Variants in ATE1 observed in about 807,000 individuals in gnomAD.
ATE1 encodes the protein arginyltransferase 1.
ATE1 carries 36 observed loss-of-function variants against 70.5 expected under a neutral mutation model. That is an observed-to-expected ratio of 0.51 (90% CI 0.39 to 0.67). The LOEUF is 0.67. Among genes scored for constraint, ATE1 ranks in the 30% least tolerant of loss-of-function variants. The pLI is 0.00. For missense variants in ATE1, 593 were observed against 629.5 expected (o/e 0.94, Z 0.62); for synonymous variants, 232 against 219.3 (o/e 1.06, Z -0.51).
Position 121,743,754 on chromosome 10 carries a change from C to T in ATE1, c.1483G>A (p.Glu495Lys). 1.9e-6 allele frequency: 3 copies of T among 1,614,132 alleles called. No homozygotes were observed. The highest frequency in any genetic ancestry group is 2.5e-6 in the Non-Finnish European group (3 of 1,180,022). ...CTGGCGTACTGCAGAACAGCAGCCT[C>T]CTCACTTGGGTCTTTCTGCTGTTTC... is the stretch of plus-strand genomic sequence containing the variant. ...YKKQQKDPSE[E>K]AAVLQYASLV... Residue 495 changes from glutamate to lysine, a missense_variant, in exon 12 of 12, where the codon GAG (glutamate) becomes AAG (lysine). By Grantham distance (56) the Glu-to-Lys change is moderately conservative. Transcript: ENST00000224652.
intron 7 of ATE1, among the ~76,000 whole-genome samples, chr10:121,878,900 A>T (rs1160147056): frequency 6.6e-6 from 1 of 152,162 alleles, no homozygotes; most frequent in African/African-American, 2.4e-5. Flanking sequence ...GTTTCCCTTC[A>T]TTATACCAAG....
At chr10:121,776,592 G>A (rs115983274) in intron 11 of ATE1, among the ~76,000 whole-genome samples, 3,208 of 152,276 alleles carry the variant, frequency 0.021, 111 homozygotes, top group African/African-American at 0.072. Context: ...GTGGTCTTGG[G>A]CATGAAATTC....
chr10:121,853,161 G>A (rs981788230), intron 8 of ATE1, among the ~76,000 whole-genome samples: 15 of 152,148 alleles, frequency 9.9e-5, no homozygotes, highest in East Asian at 1.9e-4. Context: ...TCAGGAGGTC[G>A]AGACCATCCT....
intron 9 of ATE1, 28 bp from the exon 10 acceptor site, chr10:121,836,845 A>T (rs1239466502): frequency 7.0e-7 from 1 of 1,421,502 alleles, no homozygotes; most frequent in African/African-American, 1.4e-5. Flanking sequence ...AGAAAGCTGA[A>T]GGCAGTTAAT....
chr10:121,911,058 CTGAG>C lies in ATE1; in HGVS notation c.427_430del (p.Leu143ValfsTer8), dbSNP rs771107676. ...CTCTAAACTCTCTTTGATGTCATCACTGAGTGTTTTAAGATCACACTGTATATCC... is the reference window on the plus strand; with the variant it reads ...CTCTAAACTCTCTTTGATGTCATCACTGTTTTAAGATCACACTGTATATCC... On this transcript the variant is annotated frameshift_variant, in exon 5 of 12. Coordinates refer to ENST00000224652, the MANE Select transcript of ATE1 (RefSeq NM_001001976.3). LOFTEE classifies it high-confidence loss of function. The C allele has an allele frequency of 5.6e-6, 9 of 1,613,380 alleles. No homozygotes were observed. Among genetic ancestry groups the C allele is most frequent in the Non-Finnish European group, 7.6e-6 (9 of 1,179,928 alleles).
chr10:121,926,354 T>C (rs1952088958), intron 1 of ATE1, among the ~76,000 whole-genome samples: 1 of 152,136 alleles, frequency 6.6e-6, no homozygotes, highest in Non-Finnish European at 1.5e-5. Context: ...TGGCAGGCAC[T>C]CACTCACACT....
intron 10 of ATE1, among the ~76,000 whole-genome samples, chr10:121,819,019 A>C (rs1392197159): frequency 6.6e-6 from 1 of 152,256 alleles, no homozygotes; most frequent in Non-Finnish European, 1.5e-5. Context: ...GTAATTACTC[A>C]AACCAGCATT....
At chr10:121,771,362 C>A (rs1329085253) in intron 11 of ATE1, among the ~76,000 whole-genome samples, 2 of 152,320 alleles carry the variant, frequency 1.3e-5, no homozygotes, top group East Asian at 3.9e-4. Context: ...AGCCACCGTG[C>A]CCGGCCTCTC....
chr10:121,899,970 G>C lies in ATE1; in HGVS notation c.838C>G (p.Pro280Ala). 1.2e-6 allele frequency: 2 copies of C among 1,613,806 alleles called. No homozygotes were observed. The highest frequency in any genetic ancestry group is 2.2e-5 in the South Asian group (2 of 91,058). Reference protein sequence around the residue: ...LEVRVVRSSPPSSQFKATLLE... With the variant: ...LEVRVVRSSPASSQFKATLLE... ...AGTGTGGCTTTGAACTGCGAACTTGGTGGAGATGATCTCACCACCCTCACC... is the reference window on the plus strand; with the variant it reads ...AGTGTGGCTTTGAACTGCGAACTTGCTGGAGATGATCTCACCACCCTCACC... Residue 280 changes from proline (P) to alanine (A), a missense_variant, in exon 7 of 12, where the codon CCA becomes GCA. Pro to Ala is a conservative substitution (Grantham distance 27, BLOSUM62 -1). This residue lies in a region of ATE1 where 467 missense variants were observed against 469.6 expected (regional missense o/e 0.99). Transcript: ENST00000224652.
chr10:121,829,525 T>C (rs1001254257), intron 10 of ATE1, among the ~76,000 whole-genome samples: 4 of 151,800 alleles, frequency 2.6e-5, no homozygotes, highest in Admixed American at 1.3e-4. Context: ...CTGGCCAAGA[T>C]GGTGAAACCC....
At chr10:121,866,234 C>T (rs943287269) in intron 8 of ATE1, among the ~76,000 whole-genome samples, 2 of 152,170 alleles carry the variant, frequency 1.3e-5, no homozygotes, top group African/African-American at 4.8e-5. Flanking sequence ...CTGCCACTAA[C>T]TTAAGTCCTC....
intron 8 of ATE1, among the ~76,000 whole-genome samples, chr10:121,852,629 T>G (rs762927745): frequency 6.6e-6 from 1 of 151,886 alleles, no homozygotes; most frequent in African/African-American, 2.4e-5. Context: ...GAAAATCACT[T>G]GAACCCGGGA....
chr10:121,900,185 T>G (rs1590670726), intron 6 of ATE1, among the ~76,000 whole-genome samples, 191 bp from the exon 7 acceptor site: 1 of 152,306 alleles, frequency 6.6e-6, no homozygotes, highest in East Asian at 1.9e-4. Context: ...TACAGACTCA[T>G]TAAGAAGAGG....
intron 7 of ATE1, among the ~76,000 whole-genome samples, chr10:121,893,508 A>G (rs893134158): frequency 4.6e-5 from 7 of 152,170 alleles, no homozygotes; most frequent in African/African-American, 1.7e-4. Context: ...CCTTTTCTCA[A>G]CTTTATAAAA....
At chr10:121,928,173 G>C (rs1448694663), upstream of ATE1, 8 of 1,295,032 alleles carry the variant, frequency 6.2e-6, no homozygotes, top group Non-Finnish European at 6.9e-6. Flanking sequence ...CTCCATAAGG[G>C]GCCGCCGTCG....
Position 121,885,063 on chromosome 10 carries a change from C to A in ATE1, c.942+14803G>T, listed in dbSNP as rs190414516. ...ATCACCTGAGATCCAGAGTTTAAGA[C>A]CAGCCTGGCCAACATGGTGAAATCC... On this transcript the variant is annotated intron_variant, in intron 7 of 11. Coordinates refer to ENST00000224652, the MANE Select transcript of ATE1 (RefSeq NM_001001976.3). Among the ~76,000 whole-genome samples the A allele has an allele frequency of 1.5e-4, 23 of 151,078 alleles. No homozygotes were observed. The East Asian group carries it at 4.4e-3, about 29-fold the overall frequency.
chr10:121,879,622 G>A (rs1342677071), intron 7 of ATE1, among the ~76,000 whole-genome samples: 1 of 152,136 alleles, frequency 6.6e-6, no homozygotes, highest in Admixed American at 6.5e-5. Flanking sequence ...TTGTGAATGG[G>A]AGTAATTCAT....
intron 7 of ATE1, among the ~76,000 whole-genome samples, chr10:121,890,917 A>T (rs767086520): frequency 6.6e-6 from 1 of 151,940 alleles, no homozygotes; most frequent in East Asian, 1.9e-4. Context: ...GGAAACACAC[A>T]TACTGGATTA....
chr10:121,773,432 T>C (rs1320851875), intron 11 of ATE1, among the ~76,000 whole-genome samples: 1 of 152,210 alleles, frequency 6.6e-6, no homozygotes, highest in Non-Finnish European at 1.5e-5. Context: ...ATTGTTTTGT[T>C]CCAGGCCCAT....
Sources: gnomAD v4.1 joint callset for allele counts (sites outside exome capture counted in the v4.1 genomes callset) on GRCh38, gnomAD v4.1.1 for gene constraint, gnomAD v4.1.1 regional missense constraint, MANE v1.5 for transcripts, NCBI Gene and HGNC (gene_info 2026-07-23, HGNC 2026-07-21) for gene names.